Variants in ZMYM6 observed in about 807,000 individuals in gnomAD.
ZMYM6 encodes zinc finger MYM-type containing 6.
A neutral mutation model predicts 134.0 loss-of-function variants in ZMYM6; 90 were observed. That is an observed-to-expected ratio of 0.67 (90% CI 0.57 to 0.80). ZMYM6 has a LOEUF of 0.80. Among genes scored for constraint, ZMYM6 ranks in the 30% least tolerant of loss-of-function variants. ZMYM6 has a pLI of 0.00. For synonymous variants in ZMYM6, 481 were observed against 524.1 expected, an observed-to-expected ratio of 0.92 and a Z score of 1.12; for missense variants, 1,362 against 1,533.9, an observed-to-expected ratio of 0.89 and a Z score of 1.87.
At chr1:34,997,365 G>A (rs571196216) in intron 14 of ZMYM6, among the ~76,000 whole-genome samples, 6 of 152,086 alleles carry the variant, frequency 3.9e-5, no homozygotes, top group Non-Finnish European at 8.8e-5. Flanking sequence ...GTGCAGTGGC[G>A]TGATCTCGGC....
In ZMYM6 at chr1:34,987,799, G is replaced by T; in HGVS notation, c.3283C>A (p.Gln1095Lys). 1 of 1,551,102 alleles carries T rather than the reference G, an allele frequency of 6.4e-7. No individual in the cohort carries two copies. Among genetic ancestry groups the T allele is most frequent in the Non-Finnish European group, 8.7e-7 (1 of 1,146,904 alleles). Reference protein sequence around the residue: ...LRHEIEIFLSQKHSDLAKYFH... With the variant: ...LRHEIEIFLSKKHSDLAKYFH... ...TACTTGGCCAAATCTGAATGCTTTT[G>T]ACTTAAAAATATTTCAATCTCATGT... Residue 1095 changes from glutamine to lysine, a missense_variant, in exon 16 of 16, where the codon CAA becomes AAA. By Grantham distance (53) the Gln-to-Lys change is moderately conservative. Coordinates refer to ENST00000357182, the MANE Select transcript of ZMYM6 (RefSeq NM_007167.4).
intron 2 of ZMYM6, among the ~76,000 whole-genome samples, chr1:35,028,479 T>A (rs1025807075): frequency 6.6e-6 from 1 of 151,960 alleles, no homozygotes; most frequent in South Asian, 2.1e-4. Flanking sequence ...CCAAAACAAC[T>A]AACTCATCTC....
chr1:34,992,370 A>G lies in ZMYM6; in HGVS notation c.2010T>C (p.Asp670=). 6.2e-7 allele frequency: 1 copy of G among 1,613,956 alleles called. No homozygotes were observed. The highest frequency in any genetic ancestry group is 8.5e-7 in the Non-Finnish European group (1 of 1,179,886). ...ATTGGGAAGATGGAAATTTCATAGCATCTTCCTGTGTACTTTCCTAGTTAA... is the reference window on the plus strand; with the variant it reads ...ATTGGGAAGATGGAAATTTCATAGCGTCTTCCTGTGTACTTTCCTAGTTAA... ...KIIQDESTQE[D]AMKFPSSQSS... Residue 670 remains aspartate, a synonymous_variant, in exon 15 of 16, where the codon GAT becomes GAC. Transcript: ENST00000357182.
At chr1:35,015,823 TGCTATA>T (rs1028094563) in intron 4 of ZMYM6, among the ~76,000 whole-genome samples, 2 of 150,214 alleles carry the variant, frequency 1.3e-5, no homozygotes, top group Non-Finnish European at 3.0e-5. Flanking sequence ...AAGTTTCATC[TGCTATA>T]GCCAATGGGA....
At chr1:34,990,893 T>C (rs1640661565) in intron 15 of ZMYM6, among the ~76,000 whole-genome samples, 1 of 152,204 alleles carries the variant, frequency 6.6e-6, no homozygotes. Flanking sequence ...AGACGGAGTT[T>C]CACTCTTGTT....
At chr1:34,990,473 ACT>A (rs1476729777) in intron 15 of ZMYM6, among the ~76,000 whole-genome samples, 7 of 152,024 alleles carry the variant, frequency 4.6e-5, no homozygotes, top group South Asian at 2.1e-4. Context: ...ACAGAGATAG[ACT>A]CTGTCTCAAA....
chr1:34,990,541 T>C (rs1325898520), intron 15 of ZMYM6, among the ~76,000 whole-genome samples: 2 of 152,142 alleles, frequency 1.3e-5, no homozygotes, highest in Non-Finnish European at 2.9e-5. Context: ...TTCCACTGAT[T>C]AGGATTTATC....
intron 14 of ZMYM6, among the ~76,000 whole-genome samples, chr1:34,996,598 C>CA (rs1640790007): frequency 6.6e-6 from 1 of 152,156 alleles, no homozygotes; most frequent in Non-Finnish European, 1.5e-5. Context: ...GTGTGTAGCA[C>CA]AAATGGCACC....
intron 2 of ZMYM6, among the ~76,000 whole-genome samples, chr1:35,029,575 T>C (rs188193569): frequency 1.2e-4 from 19 of 152,314 alleles, no homozygotes; most frequent in Admixed American, 9.8e-4. Flanking sequence ...ATTGTTGTTG[T>C]TTTAATCATT....
chr1:35,005,325 A>C, intron 12 of ZMYM6, 53 bp from the exon 13 acceptor site: 12 of 1,573,930 alleles, frequency 7.6e-6, no homozygotes, highest in Non-Finnish European at 1.0e-5. Context: ...TCTCTCTCTC[A>C]TACACACTCA....
intron 2 of ZMYM6, among the ~76,000 whole-genome samples, chr1:35,028,910 G>C (rs898481040): frequency 5.3e-5 from 8 of 151,970 alleles, no homozygotes; most frequent in Non-Finnish European, 1.2e-4. Flanking sequence ...CCTACAATTG[G>C]CCAGGTGTGG....
rs185082951 is a variant in ZMYM6, at chr1:34,989,038, A to G, written c.2147-103T>C. The G allele has an allele frequency of 1.7e-3, 2,621 of 1,505,002 alleles. 24 individuals carry two copies. The highest frequency in any genetic ancestry group is 0.015 in the South Asian group (1,046 of 71,548). The allele number at this position is 1,505,002 out of a possible 1,614,324, so 93.2% of individuals were successfully genotyped here. On this transcript the variant is annotated intron_variant, in intron 15 of 15. Coordinates refer to ENST00000357182, the MANE Select transcript of ZMYM6 (RefSeq NM_007167.4). ...AAATTCATATTTTGTTACTATTTCTATTTATCAAAAGAATGCACTGGTAAA... is the reference window on the plus strand; with the variant it reads ...AAATTCATATTTTGTTACTATTTCTGTTTATCAAAAGAATGCACTGGTAAA...
chr1:35,002,033 T>C (rs183592875), intron 14 of ZMYM6, among the ~76,000 whole-genome samples: 67 of 152,342 alleles, frequency 4.4e-4, no homozygotes, highest in African/African-American at 1.4e-3. Flanking sequence ...CCTTCAAAAA[T>C]AGTAATTGCT....
intron 2 of ZMYM6, chr1:35,030,292 A>G (rs1370811001): frequency 2.6e-6 from 1 of 381,112 alleles, no homozygotes; most frequent in Non-Finnish European, 4.6e-6. Flanking sequence ...ATAGTTGAGC[A>G]TGTTGGTGTG....
rs762887888 is a variant in ZMYM6, at chr1:35,020,389, G to T, written c.172C>A (p.Pro58Thr). The part of the protein sequence containing the change: ...IGGVSSVNER[P>T]IAQQLNPGFQ... ...ATACAGTTCCATTTCTTACCAATAG[G>T]TCTCTCATTAACTGAAGACACACCA... is the stretch of plus-strand genomic sequence containing the variant. Residue 58 changes from proline (P) to threonine (T), a missense_variant, in exon 3 of 16, where the codon CCT becomes ACT. Physicochemically the swap from Pro to Thr is conservative, Grantham distance 38. Transcript: ENST00000357182. 1.9e-6 allele frequency: 3 copies of T among 1,603,822 alleles called. No individual in the cohort carries two copies. The highest frequency in any genetic ancestry group is 1.7e-5 in the Admixed American group (1 of 57,556).
chr1:35,013,260 A>T, intron 6 of ZMYM6: 1 of 794,796 alleles, frequency 1.3e-6, no homozygotes, highest in Non-Finnish European at 1.5e-6. Flanking sequence ...CAAAAAGTTT[A>T]AATTAACAGA....
intron 15 of ZMYM6, chr1:34,990,285 C>CCA (rs1640649504): frequency 3.7e-6 from 1 of 273,324 alleles, no homozygotes; most frequent in Admixed American, 2.9e-5. Context: ...TTGAGACCAG[C>CCA]GTTGCCAACA....
At chr1:34,992,108 G>T in intron 15 of ZMYM6, 126 bp downstream of exon 15, 2 of 1,229,664 alleles carry the variant, frequency 1.6e-6, no homozygotes, top group Non-Finnish European at 2.4e-6. Context: ...CAAAGCATGT[G>T]ATCCAAGAAA....
intron 6 of ZMYM6, chr1:35,013,823 C>T: frequency 3.7e-6 from 1 of 271,334 alleles, no homozygotes. Context: ...TCCTGAGTAG[C>T]TGGGATTACA....
Sources: gnomAD v4.1 joint callset for allele counts (sites outside exome capture counted in the v4.1 genomes callset) on GRCh38, gnomAD v4.1.1 for gene constraint, MANE v1.5 for transcripts, NCBI Gene and HGNC (gene_info 2026-07-23, HGNC 2026-07-21) for gene names.